The following KPNA3 variants were observed in gnomAD, a reference collection of about 807,000 sequenced individuals.
The protein encoded by KPNA3 is importin subunit alpha-4.
Under a neutral mutation model 73.8 loss-of-function variants are expected in KPNA3, and 13 were observed. The observed-to-expected ratio is 0.18, with a 90% CI of 0.11 to 0.28. The LOEUF is 0.28. KPNA3 is among the 10% of genes least tolerant of loss of function. KPNA3 has a pLI of 1.00. For synonymous variants in KPNA3, 186 were observed against 206.9 expected (o/e 0.90, Z 0.87); for missense variants, 360 against 618.1 (o/e 0.58, Z 4.43).
chr13:49,702,508 C>T, intron 15 of KPNA3, 28 bp from the exon 16 acceptor site: 1 of 1,218,190 alleles, frequency 8.2e-7, no homozygotes. Flanking sequence ...ATCAAAATAA[C>T]TGGTTAATTG....
At chr13:49,739,693 T>A (rs1475901784) in intron 2 of KPNA3, among the ~76,000 whole-genome samples, 1 of 152,178 alleles carries the variant, frequency 6.6e-6, no homozygotes, top group African/African-American at 2.4e-5. Flanking sequence ...TCAAACTGTT[T>A]GTTACAGTTC....
intron 6 of KPNA3, among the ~76,000 whole-genome samples, chr13:49,729,969 T>C (rs994806092): frequency 1.3e-5 from 2 of 152,196 alleles, no homozygotes; most frequent in Non-Finnish European, 1.5e-5. Context: ...ACAGTCAATC[T>C]GGCTCCAAAG....
At chr13:49,742,764 C>T (rs1252965312) in intron 2 of KPNA3, among the ~76,000 whole-genome samples, 1 of 152,134 alleles carries the variant, frequency 6.6e-6, no homozygotes, top group Non-Finnish European at 1.5e-5. Flanking sequence ...CAATTTACTT[C>T]TGTCAGAAAG....
Position 49,705,602 on chromosome 13 carries a change from T to G in KPNA3, c.1372+19A>C, listed in dbSNP as rs1316987074. ...AGTTCCAGTGCTCAAATACTCTTCT[T>G]CCATCAATCCACTCTTACCTCCACA... On this transcript the variant is annotated intron_variant, in intron 15 of 16. Coordinates refer to ENST00000261667, the MANE Select transcript of KPNA3 (RefSeq NM_002267.4). 16 of 1,608,436 alleles carry G rather than the reference T, an allele frequency of 9.9e-6. No individual in the cohort carries two copies. Among genetic ancestry groups the G allele is most frequent in the Non-Finnish European group, 1.3e-5 (15 of 1,177,264 alleles).
chr13:49,719,641 A>T (rs1954336920), intron 10 of KPNA3, 134 bp downstream of exon 10: 3 of 692,066 alleles, frequency 4.3e-6, no homozygotes. Flanking sequence ...ATTTAAGCTT[A>T]ATCCTATTTC....
In KPNA3 at chr13:49,719,250, A is replaced by G. The variant is rs536889072; in HGVS notation, c.771+525T>C. Among the ~76,000 whole-genome samples the G allele has an allele frequency of 1.1e-4, 16 of 152,250 alleles. No homozygotes were observed. In the East Asian group the frequency reaches 2.9e-3, roughly 28 times the overall value. ...CTATATATTCTTCTATACTATATCT[A>G]AAAAGACTGTAGCATAAAAAGGCAG... is the stretch of plus-strand genomic sequence containing the variant. On this transcript the variant is annotated intron_variant, in intron 10 of 16. Coordinates refer to ENST00000261667, the MANE Select transcript of KPNA3 (RefSeq NM_002267.4).
intron 15 of KPNA3, among the ~76,000 whole-genome samples, chr13:49,704,727 T>C (rs1025815176): frequency 6.6e-6 from 1 of 152,142 alleles, no homozygotes; most frequent in Non-Finnish European, 1.5e-5. Flanking sequence ...TAATACAGTA[T>C]GTCAAATCAC....
At position 49,732,640 on chromosome 13, in the gene KPNA3, G is replaced by T; in HGVS notation, c.252C>A (p.Asn84Lys). The change falls in exon 5 of 17, where the codon AAC (asparagine) becomes AAA (lysine). Residue 84 changes from asparagine (N) to lysine (K), a missense_variant. By Grantham distance (94) the Asn-to-Lys change is moderately conservative (BLOSUM62 0). Around this residue, in one of 3 missense-constraint regions of KPNA3, gnomAD observed 287 missense variants for 549.1 expected, o/e 0.52. Coordinates refer to ENST00000261667, the MANE Select transcript of KPNA3 (RefSeq NM_002267.4). ...EAILQNATSD[N>K]PVVQLSAVQA... ...GGACAGCACTCAATTGGACCACTGG[G>T]TTATCACTTGTGGCATTCTGCAATA... The T allele has an allele frequency of 6.2e-7, 1 of 1,610,802 alleles. No individual in the cohort carries two copies. The highest frequency in any genetic ancestry group is 8.5e-7 in the Non-Finnish European group (1 of 1,178,200).
At chr13:49,752,487 A>T (rs1267240812) in intron 1 of KPNA3, among the ~76,000 whole-genome samples, 1 of 152,236 alleles carries the variant, frequency 6.6e-6, no homozygotes, top group Non-Finnish European at 1.5e-5. Context: ...TACTGAAAAG[A>T]CATATACACA....
chr13:49,771,107 T>A (rs1954851272), intron 1 of KPNA3, among the ~76,000 whole-genome samples: 1 of 131,396 alleles, frequency 7.6e-6, no homozygotes. Context: ...CAGAATCAAC[T>A]TGTTGATATT....
intron 12 of KPNA3, among the ~76,000 whole-genome samples, chr13:49,708,021 A>T (rs1954224174): frequency 6.9e-6 from 1 of 144,330 alleles, no homozygotes; most frequent in Non-Finnish European, 1.5e-5. Context: ...TTTGAGACAG[A>T]GTCTTGCTCT....
intron 1 of KPNA3, among the ~76,000 whole-genome samples, chr13:49,769,564 C>T (rs564917708): frequency 6.6e-6 from 1 of 152,352 alleles, no homozygotes; most frequent in Admixed American, 6.5e-5. Context: ...GGCTTCTTCA[C>T]TTAGCATGTT....
At chr13:49,789,385 G>A (rs905289791) in intron 1 of KPNA3, among the ~76,000 whole-genome samples, 1 of 151,454 alleles carries the variant, frequency 6.6e-6, no homozygotes, top group Non-Finnish European at 1.5e-5. Context: ...AGTCTCTCTC[G>A]ATTGAATGAC....
At chr13:49,729,196 T>C (rs546217141) in intron 6 of KPNA3, among the ~76,000 whole-genome samples, 100 of 152,206 alleles carry the variant, frequency 6.6e-4, no homozygotes, top group African/African-American at 2.3e-3. Context: ...TTCCCCTGTA[T>C]ATGATGAATT....
At chr13:49,730,964 T>C (rs1005169071) in intron 6 of KPNA3, among the ~76,000 whole-genome samples, 13 of 151,140 alleles carry the variant, frequency 8.6e-5, no homozygotes, top group Admixed American at 2.0e-4. Flanking sequence ...TATTTTTTAA[T>C]AGAGACAGGG....
chr13:49,727,961 C>T (rs1002595603), intron 6 of KPNA3, among the ~76,000 whole-genome samples: 5 of 152,150 alleles, frequency 3.3e-5, no homozygotes, highest in African/African-American at 9.7e-5. Context: ...GTCGGCCGGG[C>T]ATGGTGGCTC....
intron 1 of KPNA3, among the ~76,000 whole-genome samples, chr13:49,775,162 C>CAAAAAAAAAAAAAAAAAAAAAAAA (rs60494803): frequency 4.3e-5 from 4 of 93,058 alleles, no homozygotes; most frequent in Non-Finnish European, 6.0e-5. Context: ...GACTCTGTCT[C>CAAAAAAAAAAAAAAAAAAAAAAAA]AAAAAAAAAA....
intron 10 of KPNA3, among the ~76,000 whole-genome samples, chr13:49,713,474 A>G (rs560694733): frequency 1.2e-3 from 176 of 152,282 alleles, no homozygotes; most frequent in Non-Finnish European, 2.2e-3. Flanking sequence ...ACATGTACAA[A>G]TATCATATTA....
At chr13:49,731,673 A>G (rs1161643116) in intron 6 of KPNA3, among the ~76,000 whole-genome samples, 3 of 152,230 alleles carry the variant, frequency 2.0e-5, no homozygotes, top group African/African-American at 4.8e-5. Context: ...GCAAAAAAAA[A>G]GCATTTGTTT....
Sources: allele counts gnomAD v4.1 joint callset (sites outside exome capture counted in the v4.1 genomes callset), GRCh38; gene constraint gnomAD v4.1.1; regional missense constraint gnomAD v4.1.1; transcripts MANE v1.5; gene names NCBI Gene and HGNC (gene_info 2026-07-23, HGNC 2026-07-21).